The following CEP192 variants were observed in gnomAD, a reference collection of about 807,000 sequenced individuals.
CEP192 encodes the protein centrosomal protein of 192 kDa.
CEP192 carries 151 observed loss-of-function variants against 271.8 expected under a neutral mutation model. That is an observed-to-expected ratio of 0.56 (90% CI 0.49 to 0.64). The LOEUF is 0.64. Ranked by LOEUF, CEP192 falls within the 30% of genes least tolerant of loss-of-function variation. CEP192 has a pLI of 0.00. For missense variants in CEP192, 2,910 were observed against 3,020.5 expected (o/e 0.96, Z 0.86); for synonymous variants, 995 against 1,076.5 (o/e 0.92, Z 1.48).
Position 13,098,628 on chromosome 18 carries a change from C to T in CEP192, c.6558-848C>T, listed in dbSNP as rs556533656. Among the ~76,000 whole-genome samples, 227 of 151,042 alleles carry T rather than the reference C, an allele frequency of 1.5e-3. 1 individual carries two copies. In the Middle Eastern group the frequency reaches 0.021, roughly 14 times the overall value. On this transcript the variant is annotated intron_variant, in intron 36 of 44. Coordinates refer to ENST00000506447, the MANE Select transcript of CEP192 (RefSeq NM_032142.4). ...CTCACTTCCTAGATGGGATGGCGGCCGGGAAGAGGCGCTCCTCCCTTCCTA... is the reference window on the plus strand; with the variant it reads ...CTCACTTCCTAGATGGGATGGCGGCTGGGAAGAGGCGCTCCTCCCTTCCTA...
At position 13,000,088 on chromosome 18, in the gene CEP192, T is replaced by TCG. The variant is rs1470334777; in HGVS notation, c.164+501_164+502insGC. 5.5e-4 allele frequency among the ~76,000 whole-genome samples: 45 copies of TCG among 82,482 alleles called. 3 individuals carry two copies. Among genetic ancestry groups the TCG allele is most frequent in the African/African-American group, 2.7e-3 (41 of 15,208 alleles). The allele number at this position is 82,482 out of a possible 152,430, so 54.1% of individuals were successfully genotyped here. A position where few individuals can be genotyped will look rare whatever the true frequency, so the allele number is the denominator to read the frequency against. On this transcript the variant is annotated intron_variant, in intron 2 of 44. Coordinates refer to ENST00000506447, the MANE Select transcript of CEP192 (RefSeq NM_032142.4). The stretch of plus-strand genomic sequence containing the variant: ...TCTCTCTGTATAACTCATTGTCTTC[T>TCG]CTCTTTTTTTTTTTTTTTTTTTTTT...
rs754998624 is a variant in CEP192, at chr18:13,087,064, C to T, written c.5664C>T (p.Gly1888=). The change falls in exon 31 of 45, where the codon GGC becomes GGT. Residue 1888 remains glycine (G), a synonymous_variant. Coordinates refer to ENST00000506447, the MANE Select transcript of CEP192 (RefSeq NM_032142.4). ...GAACAAGCAATCTTATTTTGGAAGG[C>T]GTTAAAAAATTATCTGACAGTTACA... The part of the protein sequence containing the change: ...YGGTSNLILE[G]VKKLSDSYMV... 39 of 1,612,252 alleles carry T rather than the reference C, an allele frequency of 2.4e-5. No homozygotes were observed. The highest frequency in any genetic ancestry group is 1.1e-4 in the East Asian group (5 of 44,876).
chr18:13,044,064 TG>T (rs1366076727), intron 15 of CEP192, among the ~76,000 whole-genome samples: 1 of 152,172 alleles, frequency 6.6e-6, no homozygotes, highest in Non-Finnish European at 1.5e-5. Context: ...TTGACCCTGT[TG>T]TGCTATCAAA....
In CEP192 at chr18:13,071,075, G is replaced by A. The variant is rs2037986087; in HGVS notation, c.5211G>A (p.Gln1737=). ...LKIFVQPFGP[Q]YEVVLKGEVI... ...TATTTGTGCAGCCATTTGGACCTCA[G>A]TATGAGGTAGTGTTAAAAGGCGAAG... The change falls in exon 28 of 45, where the codon CAG becomes CAA. Residue 1737 remains glutamine, a synonymous_variant. Transcript: ENST00000506447. The A allele has an allele frequency of 1.9e-6, 3 of 1,613,562 alleles. No homozygotes were observed. The highest frequency in any genetic ancestry group is 2.5e-6 in the Non-Finnish European group (3 of 1,179,484).
chr18:13,011,260 C>T (rs868129111), intron 4 of CEP192, among the ~76,000 whole-genome samples: 4 of 150,704 alleles, frequency 2.7e-5, no homozygotes, highest in Middle Eastern at 3.2e-3. Flanking sequence ...AAAACAGAAC[C>T]ACAATGAGAT....
chr18:13,102,794 C>CT (rs2039774432), intron 38 of CEP192, among the ~76,000 whole-genome samples: 4 of 152,184 alleles, frequency 2.6e-5, no homozygotes, highest in Admixed American at 1.3e-4. Context: ...TTCCTTCTCT[C>CT]TGTGTTCTCC....
intron 30 of CEP192, among the ~76,000 whole-genome samples, chr18:13,081,576 C>CA (rs1414260761): frequency 6.6e-6 from 1 of 152,044 alleles, no homozygotes; most frequent in Admixed American, 6.6e-5. Context: ...TTGATCTTTT[C>CA]AAAAAACCAG....
At chr18:13,079,257 G>C (rs1279677648) in intron 30 of CEP192, among the ~76,000 whole-genome samples, 2 of 152,216 alleles carry the variant, frequency 1.3e-5, no homozygotes, top group African/African-American at 4.8e-5. Flanking sequence ...CACCAACAGT[G>C]TAAAAGTTTT....
chr18:13,122,878 T>A (rs573599358), intron 44 of CEP192, among the ~76,000 whole-genome samples: 1 of 152,212 alleles, frequency 6.6e-6, no homozygotes, highest in East Asian at 1.9e-4. Flanking sequence ...AAATTAGTTC[T>A]CAATAATAGT....
intron 12 of CEP192, among the ~76,000 whole-genome samples, chr18:13,037,676 C>G (rs1207859708): frequency 6.6e-6 from 1 of 152,166 alleles, no homozygotes; most frequent in Non-Finnish European, 1.5e-5. Flanking sequence ...CTGTCTCAGC[C>G]TCCTGTGTAG....
At chr18:13,065,293 G>C (rs2037634983) in intron 21 of CEP192, among the ~76,000 whole-genome samples, 1 of 151,912 alleles carries the variant, frequency 6.6e-6, no homozygotes, top group Non-Finnish European at 1.5e-5. Flanking sequence ...GCATTCTGTG[G>C]TATATAAAAG....
chr18:13,001,559 A>G lies in CEP192; in HGVS notation c.267A>G (p.Leu89=). 6.5e-7 allele frequency: 1 copy of G among 1,549,772 alleles called. No homozygotes were observed. The highest frequency in any genetic ancestry group is 8.7e-7 in the Non-Finnish European group (1 of 1,146,414). Residue 89 remains leucine (L), a synonymous_variant, in exon 3 of 45, where the codon TTA becomes TTG. Transcript: ENST00000506447. ...GTGATGCTGAACCAAGAGAGAGGTT[A>G]CAGCTTAGCTTCCAGGATGATGAGT... ...SQSDAEPRER[L]QLSFQDDDSI...
chr18:13,097,530 G>A (rs2039459442), intron 36 of CEP192, among the ~76,000 whole-genome samples: 1 of 151,476 alleles, frequency 6.6e-6, no homozygotes, highest in Non-Finnish European at 1.5e-5. Context: ...ATTCTCACGT[G>A]GCTCAGAGCT....
At chr18:12,997,221 T>C (rs1476256344) in intron 1 of CEP192, among the ~76,000 whole-genome samples, 1 of 151,946 alleles carries the variant, frequency 6.6e-6, no homozygotes, top group Non-Finnish European at 1.5e-5. Flanking sequence ...TGTGGGATAA[T>C]TTAGGAATCA....
chr18:13,049,061 A>G lies in CEP192; in HGVS notation c.2270A>G (p.Lys757Arg). ...ACTTTTCAGGAAGATGAGAAACAAAAGGACTATTCTCATGTGCGTCATTTC... is the reference window on the plus strand; with the variant it reads ...ACTTTTCAGGAAGATGAGAAACAAAGGGACTATTCTCATGTGCGTCATTTC... ...DKTFQEDEKQKDYSHVRHFLP... is the reference protein window; with the variant it reads ...DKTFQEDEKQRDYSHVRHFLP... The change falls in exon 16 of 45, where the codon AAG (lysine) becomes AGG (arginine). Residue 757 changes from lysine (K) to arginine (R), a missense_variant. Lys to Arg is a conservative substitution (Grantham distance 26). Coordinates refer to ENST00000506447, the MANE Select transcript of CEP192 (RefSeq NM_032142.4). 1.2e-6 allele frequency: 2 copies of G among 1,614,150 alleles called. No homozygotes were observed. Among genetic ancestry groups the G allele is most frequent in the Non-Finnish European group, 1.7e-6 (2 of 1,179,956 alleles).
chr18:13,070,196 C>T (rs1012428546), intron 27 of CEP192, among the ~76,000 whole-genome samples: 1 of 152,006 alleles, frequency 6.6e-6, no homozygotes, highest in African/African-American at 2.4e-5. Flanking sequence ...TTACTTGTCT[C>T]TCAAAACAGC....
At chr18:13,115,623 G>C (rs553515075) in intron 42 of CEP192, among the ~76,000 whole-genome samples, 1 of 152,290 alleles carries the variant, frequency 6.6e-6, no homozygotes, top group African/African-American at 2.4e-5. Flanking sequence ...GGAATAGGAA[G>C]AGAACAGGCA....
chr18:13,086,811 C>T lies in CEP192; in HGVS notation c.5617-206C>T, dbSNP rs578194750. 1.4e-3 allele frequency among the ~76,000 whole-genome samples: 211 copies of T among 152,312 alleles called. 2 individuals are homozygous for T. The highest frequency in any genetic ancestry group is 4.9e-3 in the African/African-American group (204 of 41,584). Reference sequence around the variant, plus strand: ...TTCTTAGCCTATCAGAAGCCAGATACTTTTGCAGCTCTTTGGTTTGTTTTT... The same window carrying T: ...TTCTTAGCCTATCAGAAGCCAGATATTTTTGCAGCTCTTTGGTTTGTTTTT... On this transcript the variant is annotated intron_variant, in intron 30 of 44. Coordinates refer to ENST00000506447, the MANE Select transcript of CEP192 (RefSeq NM_032142.4).
rs758577991 is a variant in CEP192, at chr18:13,049,388, C to G, written c.2597C>G (p.Ser866Ter). 6.2e-7 allele frequency: 1 copy of G among 1,613,946 alleles called. No homozygotes were observed. The highest frequency in any genetic ancestry group is 2.2e-5 in the East Asian group (1 of 44,868). Residue 866 changes from serine to a stop codon, truncating the protein, a stop_gained, in exon 16 of 45, where the codon TCA (serine) becomes TGA (stop). Transcript: ENST00000506447. LOFTEE classifies it high-confidence loss of function. Reference protein sequence around the residue: ...ESFRTINSSNSVTNRENNSAV... With the variant: ...ESFRTINSSN ...TTTAGAACCATAAACTCCTCAAATTCAGTTACAAATAGAGAGAATAACAGT... is the reference window on the plus strand; with the variant it reads ...TTTAGAACCATAAACTCCTCAAATTGAGTTACAAATAGAGAGAATAACAGT...
Sources: gnomAD v4.1 joint callset for allele counts (sites outside exome capture counted in the v4.1 genomes callset) on GRCh38, gnomAD v4.1.1 for gene constraint, MANE v1.5 for transcripts, NCBI Gene and HGNC (gene_info 2026-07-23, HGNC 2026-07-21) for gene names.